Variants in NR4A1 observed in about 807,000 individuals in gnomAD.
The protein encoded by NR4A1 is nuclear receptor subfamily 4 group A member 1.
In NR4A1, 24 loss-of-function variants were observed where a neutral mutation model predicts 47.5. That is an observed-to-expected ratio of 0.50 (90% CI 0.37 to 0.71). The LOEUF (loss-of-function observed/expected upper bound fraction) is 0.71, where lower values mean the gene tolerates loss of function less well. Ranked by LOEUF, NR4A1 falls within the 30% of genes least tolerant of loss-of-function variation. The pLI is 0.00. For missense variants in NR4A1, 669 were observed against 788.6 expected (o/e 0.85, Z 1.82); for synonymous variants, 353 against 345.7 (o/e 1.02, Z -0.24).
intron 2 of NR4A1, chr12:52,055,477 C>T (rs1939214220): frequency 8.6e-6 from 5 of 578,582 alleles, no homozygotes; most frequent in East Asian, 2.9e-5. Flanking sequence ...GGGTGCCTGG[C>T]GAGCCTCTGG....
rs74093048 is a variant in NR4A1 at position 52,041,721 on chromosome 12, C to G, written c.-83-89C>G. On this transcript the variant is annotated intron_variant, in intron 1 of 7. Transcript: ENST00000360284. ...TTGTGGCCTAGGTCCTGCCACTGCT[C>G]CCATTCCTGCGTGTCCTGGGCATGC... 1,730 of 1,232,222 alleles carry G rather than the reference C, an allele frequency of 1.4e-3. 19 individuals are homozygous for G. In the African/African-American group the frequency reaches 0.024, roughly 17 times the overall value. 76.3% of individuals were successfully genotyped at this position (1,232,222 alleles called of 1,614,324 possible).
chr12:52,039,805 G>A (rs988722467), intron 1 of NR4A1, among the ~76,000 whole-genome samples: 2 of 152,234 alleles, frequency 1.3e-5, no homozygotes, highest in African/African-American at 4.8e-5. Flanking sequence ...GTGGTGGGGT[G>A]GGGATGCAAG....
intron 1 of NR4A1, chr12:52,038,153 C>A: frequency 1.2e-6 from 1 of 836,032 alleles, no homozygotes; most frequent in Non-Finnish European, 1.4e-6. Context: ...CAATCTCCGT[C>A]TCCCGGGTTC....
chr12:52,051,412 G>T (rs1387833933), upstream of NR4A1: 1 of 985,418 alleles, frequency 1.0e-6, no homozygotes, highest in East Asian at 1.1e-4. Flanking sequence ...GTCACGGAGC[G>T]CTTAAGAGGA....
upstream of NR4A1, among the ~76,000 whole-genome samples, chr12:52,047,925 CG>C (rs778632382): frequency 1.3e-4 from 20 of 152,038 alleles, no homozygotes; most frequent in Non-Finnish European, 2.5e-4. Flanking sequence ...GAGGCCAAGG[CG>C]GGTGGATCAC....
intron 1 of NR4A1, chr12:52,037,849 C>T (rs1299697101): frequency 3.0e-6 from 3 of 984,594 alleles, no homozygotes; most frequent in Non-Finnish European, 2.4e-6. Flanking sequence ...CTGGGGGTCT[C>T]GTGGAGTCAG....
upstream of NR4A1, among the ~76,000 whole-genome samples, chr12:52,050,049 T>C (rs1592297571): frequency 6.6e-6 from 1 of 151,788 alleles, no homozygotes; most frequent in East Asian, 1.9e-4. Context: ...AGAAGGGGAA[T>C]GGATGGGGGT....
intron 2 of NR4A1, chr12:52,043,481 G>A (rs1938513257): frequency 1.2e-5 from 3 of 256,740 alleles, no homozygotes; most frequent in African/African-American, 2.2e-5. Flanking sequence ...TGCCAACCGG[G>A]GCCCCATGAG....
intron 2 of NR4A1, chr12:52,045,441 T>G (rs1938595254): frequency 2.3e-6 from 1 of 434,238 alleles, no homozygotes; most frequent in Admixed American, 2.5e-5. Flanking sequence ...CTGGAGGTAC[T>G]GCCTGCCTCC....
At chr12:52,054,199 C>A in intron 1 of NR4A1, 128 bp from the exon 2 acceptor site, 1 of 767,386 alleles carries the variant, frequency 1.3e-6, no homozygotes, top group Non-Finnish European at 2.1e-6. Context: ...GGTCCCGGTG[C>A]CTCTGTCTCA....
intron 1 of NR4A1, among the ~76,000 whole-genome samples, chr12:52,030,666 T>A (rs956406623): frequency 6.6e-6 from 1 of 152,228 alleles, no homozygotes; most frequent in Admixed American, 6.5e-5. Context: ...TGACCTCATG[T>A]GATCCGCCTG....
chr12:52,057,035 C>T (rs1006981066), intron 4 of NR4A1, 22 bp from the exon 5 acceptor site: 1 of 1,567,200 alleles, frequency 6.4e-7, no homozygotes, highest in Non-Finnish European at 8.7e-7. Context: ...GGGGTGCTGA[C>T]CCCACTGGAC....
intron 2 of NR4A1, chr12:52,055,606 T>C: frequency 2.3e-6 from 1 of 443,002 alleles, no homozygotes; most frequent in Admixed American, 4.0e-5. Context: ...GTTTGGTTCT[T>C]GAGGGCTGGG....
chr12:52,037,571 G>C (rs991882125), intron 1 of NR4A1: 4 of 983,748 alleles, frequency 4.1e-6, no homozygotes, highest in South Asian at 9.4e-5. Context: ...GGAGTCGGGG[G>C]GGGGACTGGA....
chr12:52,053,618 G>A (rs866590699), intron 1 of NR4A1: 1 of 138,344 alleles, frequency 7.2e-6, no homozygotes. Flanking sequence ...GGAGCATCTC[G>A]AGCAGTGCAG....
At chr12:52,044,498 C>T (rs1465107254) in intron 2 of NR4A1, among the ~76,000 whole-genome samples, 2 of 152,218 alleles carry the variant, frequency 1.3e-5, no homozygotes, top group Admixed American at 6.5e-5. Context: ...CGGCATGGAA[C>T]AGGCAGCAGC....
upstream of NR4A1, among the ~76,000 whole-genome samples, chr12:52,050,416 C>T (rs1938864890): frequency 6.6e-6 from 1 of 152,196 alleles, no homozygotes; most frequent in African/African-American, 2.4e-5. Context: ...ACCCAGTGTG[C>T]CACCACCTGG....
Position 52,057,202 on chromosome 12 carries a change from A to C in NR4A1, c.1304A>C (p.Gln435Pro). ...TTTGCTGAGCTGTCACCGGCTGACC[A>C]GGACCTGTTGCTGGAGTCGGCCTTC... ...PGFAELSPAD[Q>P]DLLLESAFLE... Residue 435 changes from glutamine to proline, a missense_variant, in exon 5 of 7, where the codon CAG (glutamine) becomes CCG (proline). Physicochemically the swap from Gln to Pro is moderately conservative, Grantham distance 76. Transcript: ENST00000394825. The C allele has an allele frequency of 6.2e-7, 1 of 1,614,058 alleles. No individual in the cohort carries two copies. Among genetic ancestry groups the C allele is most frequent in the Non-Finnish European group, 8.5e-7 (1 of 1,179,936 alleles).
chr12:52,028,131 G>A (rs1938036040), intron 1 of NR4A1, among the ~76,000 whole-genome samples: 1 of 144,020 alleles, frequency 6.9e-6, no homozygotes, highest in Admixed American at 7.3e-5. Flanking sequence ...GAGCCCAGGA[G>A]GTTGAGGCTG....
Sources: gnomAD v4.1 joint callset for allele counts (sites outside exome capture counted in the v4.1 genomes callset) on GRCh38, gnomAD v4.1.1 for gene constraint, MANE v1.5 for transcripts, NCBI Gene and HGNC (gene_info 2026-07-23, HGNC 2026-07-21) for gene names.